Variants in SRD5A2 observed in about 807,000 individuals in gnomAD.
SRD5A2 encodes the protein steroid 5 alpha-reductase 2, also known as 3-oxo-5-alpha-steroid 4-dehydrogenase 2.
In SRD5A2, 30 loss-of-function variants were observed where a neutral mutation model predicts 27.4. The ratio of observed to expected loss-of-function variants is 1.10; its 90% confidence interval spans 0.82 to 1.49. SRD5A2 has a LOEUF of 1.49. Ranked by LOEUF, SRD5A2 falls within the 40% of genes most tolerant of loss-of-function variation. The pLI is 0.00. For synonymous variants in SRD5A2, 141 were observed against 133.6 expected (o/e 1.06, Z -0.38); for missense variants, 348 against 323.4 (o/e 1.08, Z -0.58).
intron 1 of SRD5A2, among the ~76,000 whole-genome samples, chr2:31,571,643 G>T (rs1415589062): frequency 6.6e-6 from 1 of 152,114 alleles, no homozygotes; most frequent in Non-Finnish European, 1.5e-5. Flanking sequence ...CTAATATCCA[G>T]CATCTATAAG....
At chr2:31,656,197 C>G in the SRD5A2 span, among the ~76,000 whole-genome samples, 1 of 152,128 alleles carries the variant, frequency 6.6e-6, no homozygotes, top group Non-Finnish European at 1.5e-5. Flanking sequence ...ACAAGCAATG[C>G]CATTCCTTCT....
the SRD5A2 span, among the ~76,000 whole-genome samples, chr2:31,624,436 C>T: frequency 1.3e-5 from 2 of 151,968 alleles, no homozygotes; most frequent in Non-Finnish European, 2.9e-5. Flanking sequence ...CATATGTATA[C>T]ATGTGCCATG....
At chr2:31,662,240 G>T in the SRD5A2 span, among the ~76,000 whole-genome samples, 1 of 152,068 alleles carries the variant, frequency 6.6e-6, no homozygotes, top group African/African-American at 2.4e-5. Context: ...ATGACATGTT[G>T]TAGAGACACT....
At chr2:31,653,073 T>A in the SRD5A2 span, among the ~76,000 whole-genome samples, 2 of 152,156 alleles carry the variant, frequency 1.3e-5, no homozygotes, top group African/African-American at 4.8e-5. Flanking sequence ...TTTCTTCCAA[T>A]TTGCATTTTT....
At chr2:31,548,133 T>C (rs547271928) in intron 1 of SRD5A2, among the ~76,000 whole-genome samples, 5 of 152,112 alleles carry the variant, frequency 3.3e-5, no homozygotes, top group African/African-American at 1.2e-4. Flanking sequence ...AAAAAAACTA[T>C]AAAATTCTTA....
chr2:31,581,107 A>G, upstream of SRD5A2: 1 of 579,526 alleles, frequency 1.7e-6, no homozygotes, highest in Admixed American at 3.1e-5. Flanking sequence ...CGGTGGCCGG[A>G]GGAGAACGAA....
the SRD5A2 span, among the ~76,000 whole-genome samples, chr2:31,636,626 C>A: frequency 1.3e-5 from 2 of 151,940 alleles, no homozygotes; most frequent in Admixed American, 1.3e-4. Flanking sequence ...TCATATGTGG[C>A]CTTTTCTAAA....
At chr2:31,643,808 A>G in the SRD5A2 span, among the ~76,000 whole-genome samples, 82,775 of 151,982 alleles carry the variant, frequency 0.54, 22,826 homozygotes, top group Non-Finnish European at 0.58. Context: ...AGTGAAGTAA[A>G]ATCCATGTGT....
chr2:31,627,047 G>A, the SRD5A2 span, among the ~76,000 whole-genome samples: 2 of 151,826 alleles, frequency 1.3e-5, no homozygotes. Context: ...CCTGTTATTG[G>A]TCTATTCAGG....
the SRD5A2 span, among the ~76,000 whole-genome samples, chr2:31,618,411 T>C: frequency 1.3e-5 from 2 of 152,138 alleles, no homozygotes; most frequent in South Asian, 2.1e-4. Flanking sequence ...ATAGCCAATA[T>C]ATGGAATCAA....
intron 1 of SRD5A2, among the ~76,000 whole-genome samples, chr2:31,546,967 A>G (rs2148075912): frequency 6.6e-6 from 1 of 152,156 alleles, no homozygotes; most frequent in Admixed American, 6.5e-5. Flanking sequence ...GCGTGGTGGC[A>G]CATGCCTGTA....
intron 1 of SRD5A2, among the ~76,000 whole-genome samples, chr2:31,567,879 C>T (rs1029904090): frequency 2.6e-5 from 4 of 152,030 alleles, no homozygotes; most frequent in Non-Finnish European, 5.9e-5. Context: ...CTGCACTTGG[C>T]TCATGCTACA....
intron 1 of SRD5A2, among the ~76,000 whole-genome samples, chr2:31,548,990 A>G (rs189205775): frequency 9.2e-5 from 14 of 152,014 alleles, no homozygotes; most frequent in Admixed American, 5.2e-4. Context: ...GACAAATTCC[A>G]TATGATTCAC....
the SRD5A2 span, among the ~76,000 whole-genome samples, chr2:31,592,881 G>C: frequency 6.6e-6 from 1 of 152,200 alleles, no homozygotes; most frequent in African/African-American, 2.4e-5. Context: ...TAATTATCAA[G>C]CTACTCAAGG....
chr2:31,527,631 T>G (rs929943603), intron 4 of SRD5A2: 3 of 152,238 alleles, frequency 2.0e-5, no homozygotes, highest in Non-Finnish European at 4.4e-5. Context: ...ACCCTCCAAG[T>G]GCTGAGTGAT....
the SRD5A2 span, among the ~76,000 whole-genome samples, chr2:31,649,559 T>C: frequency 3.3e-5 from 5 of 152,174 alleles, no homozygotes; most frequent in East Asian, 5.8e-4. Flanking sequence ...CAAAATTATA[T>C]ATAAAATAAT....
intron 1 of SRD5A2, among the ~76,000 whole-genome samples, chr2:31,561,104 C>T (rs979143757): frequency 2.0e-5 from 3 of 152,154 alleles, no homozygotes; most frequent in Non-Finnish European, 4.4e-5. Context: ...CACATCTAAT[C>T]CCTTTTTCTA....
chr2:31,584,427 A>G (rs570364650), upstream of SRD5A2, among the ~76,000 whole-genome samples: 16 of 152,218 alleles, frequency 1.1e-4, no homozygotes, highest in Non-Finnish European at 2.1e-4. Flanking sequence ...TAAAATTACT[A>G]GGCATGTTAC....
At chr2:31,583,628 ACAAAAAAAAAGCAAAAAAAAAAC>A (rs1408563505), upstream of SRD5A2, among the ~76,000 whole-genome samples, 356 of 30,284 alleles carry the variant, frequency 0.012, 10 homozygotes, top group South Asian at 0.049. Flanking sequence ...AAAAAAAAAA[ACAAAAAAAAAGCAAAAAAAAAAC>A]CAAAAAAAAA....
Sources: allele counts gnomAD v4.1 joint callset (sites outside exome capture counted in the v4.1 genomes callset), GRCh38; gene constraint gnomAD v4.1.1; transcripts MANE v1.5; gene names NCBI Gene and HGNC (gene_info 2026-07-23, HGNC 2026-07-21).